BCAS1: variants seen among roughly 807,000 people sequenced by gnomAD.
BCAS1 encodes the protein brain enriched myelin associated protein 1, also known as breast carcinoma-amplified sequence 1.
In BCAS1, 46 loss-of-function variants were observed where a neutral mutation model predicts 65.4. That is an observed-to-expected ratio of 0.70 (90% CI 0.55 to 0.90). The LOEUF is 0.90. Ranked by LOEUF, BCAS1 falls within the 40% of genes least tolerant of loss-of-function variation. The pLI, the probability that BCAS1 is intolerant of heterozygous loss-of-function variation, is 0.00. For synonymous variants in BCAS1, 298 were observed against 293.5 expected, an observed-to-expected ratio of 1.02 and a Z score of -0.16; for missense variants, 793 against 771.2, an observed-to-expected ratio of 1.03 and a Z score of -0.33.
intron 12 of BCAS1, among the ~76,000 whole-genome samples, chr20:53,946,675 T>C (rs958488720): frequency 6.6e-6 from 1 of 150,926 alleles, no homozygotes; most frequent in African/African-American, 2.4e-5. Context: ...ATATATAGTA[T>C]AGTCAAGTAT....
intron 4 of BCAS1, among the ~76,000 whole-genome samples, chr20:54,001,000 C>A (rs1381775177): frequency 6.6e-6 from 1 of 152,304 alleles, no homozygotes; most frequent in Non-Finnish European, 1.5e-5. Flanking sequence ...TGCTTCTTTG[C>A]TTCCCTGGTA....
At chr20:53,968,610 G>T (rs2090100373) in intron 9 of BCAS1, among the ~76,000 whole-genome samples, 1 of 152,148 alleles carries the variant, frequency 6.6e-6, no homozygotes, top group Non-Finnish European at 1.5e-5. Context: ...CATTTCTTAA[G>T]CTAAATTAAA....
intron 4 of BCAS1, among the ~76,000 whole-genome samples, chr20:54,014,349 G>A (rs1032018818): frequency 2.6e-5 from 4 of 152,176 alleles, no homozygotes; most frequent in African/African-American, 9.7e-5. Flanking sequence ...TAGGAACACT[G>A]CTAAAGTGAT....
intron 12 of BCAS1, among the ~76,000 whole-genome samples, chr20:53,946,538 G>T (rs1159400210): frequency 1.3e-5 from 2 of 149,964 alleles, no homozygotes; most frequent in African/African-American, 4.9e-5. Flanking sequence ...CACATAGAGA[G>T]AGTATAGTAT....
chr20:54,022,103 C>T (rs1255562552), intron 4 of BCAS1, among the ~76,000 whole-genome samples: 1 of 152,082 alleles, frequency 6.6e-6, no homozygotes, highest in African/African-American at 2.4e-5. Flanking sequence ...CATGTTAAAA[C>T]CACAAGGGAC....
intron 4 of BCAS1, among the ~76,000 whole-genome samples, chr20:54,012,369 G>A (rs1016541418): frequency 6.6e-6 from 1 of 151,810 alleles, no homozygotes; most frequent in African/African-American, 2.4e-5. Context: ...TGCACTACAG[G>A]TCTGAAGATG....
At chr20:54,009,301 A>C (rs982522298) in intron 4 of BCAS1, among the ~76,000 whole-genome samples, 2 of 152,216 alleles carry the variant, frequency 1.3e-5, no homozygotes, top group African/African-American at 4.8e-5. Context: ...AATCAACAGC[A>C]TAATGGGAGA....
rs540208675 is a variant in BCAS1 at position 54,027,270 on chromosome 20, C to T, written c.723+1122G>A. The stretch of plus-strand genomic sequence containing the variant: ...AATTTTAACTCTCCAGAGTGTTCAG[C>T]GGTGCCCAGCCTTCATAATGTAATT... On this transcript the variant is annotated intron_variant, in intron 4 of 12. Coordinates refer to ENST00000688948, the MANE Select transcript of BCAS1 (RefSeq NM_001366298.2). Among the ~76,000 whole-genome samples, 6 of 152,292 alleles carry T rather than the reference C, an allele frequency of 3.9e-5. No homozygotes were observed. In the South Asian group the frequency reaches 8.3e-4, roughly 21 times the overall value.
At chr20:54,005,666 C>T (rs1423443847) in intron 4 of BCAS1, among the ~76,000 whole-genome samples, 1 of 152,096 alleles carries the variant, frequency 6.6e-6, no homozygotes, top group Admixed American at 6.5e-5. Flanking sequence ...TTAGACCTCC[C>T]CAGGTGATTC....
intron 4 of BCAS1, among the ~76,000 whole-genome samples, chr20:54,024,229 C>T (rs892842387): frequency 5.9e-5 from 9 of 152,194 alleles, no homozygotes; most frequent in Non-Finnish European, 1.5e-5. Context: ...GTTTAATTCA[C>T]TACTAAATAC....
chr20:54,018,787 T>C (rs76311467), intron 4 of BCAS1, among the ~76,000 whole-genome samples: 5,686 of 152,306 alleles, frequency 0.037, 142 homozygotes, highest in Middle Eastern at 0.095. Flanking sequence ...TTTACTTGAT[T>C]CTCAACTGTA....
Position 54,028,653 on chromosome 20 carries a change from T to C in BCAS1, c.462A>G (p.Pro154=). Residue 154 remains proline (P), a synonymous_variant, in exon 4 of 13, where the codon CCA becomes CCG. Coordinates refer to ENST00000688948, the MANE Select transcript of BCAS1 (RefSeq NM_001366298.2). ...AGPGQDTDKT[P]GHAPAQDKVL... is the part of the protein sequence containing the mutation. ...CCTTGTCTTGGGCCGGGGCGTGCCC[T>C]GGGGTTTTATCTGTGTCCTGCCCCG... 6.2e-7 allele frequency: 1 copy of C among 1,614,168 alleles called. No individual in the cohort carries two copies. Among genetic ancestry groups the C allele is most frequent in the South Asian group, 1.1e-5 (1 of 91,084 alleles).
intron 3 of BCAS1, among the ~76,000 whole-genome samples, chr20:54,051,869 G>C (rs2092220586): frequency 1.3e-5 from 2 of 152,006 alleles, no homozygotes; most frequent in Admixed American, 1.3e-4. Flanking sequence ...CTCCAGAGTA[G>C]CTGGGATTAC....
At position 53,968,391 on chromosome 20, in the gene BCAS1, A is replaced by G. The variant is rs529240827; in HGVS notation, c.1318-1318T>C. ...AGCCTTGTTCTTGGTGTCAGGGGGT[A>G]GGGGAAGGGGACTTAGTTATTTCCA... On this transcript the variant is annotated intron_variant, in intron 9 of 12. Transcript: ENST00000688948. Among the ~76,000 whole-genome samples the G allele has an allele frequency of 1.2e-3, 183 of 152,140 alleles. 1 individual carries two copies. The highest frequency in any genetic ancestry group is 1.8e-3 in the Non-Finnish European group (121 of 68,022).
intron 1 of BCAS1, among the ~76,000 whole-genome samples, chr20:54,064,337 G>C (rs1227098667): frequency 6.6e-6 from 1 of 152,170 alleles, no homozygotes; most frequent in Non-Finnish European, 1.5e-5. Context: ...GAACTCTCCT[G>C]GCTGCTGCCT....
At chr20:54,000,863 C>T (rs1394076873) in intron 4 of BCAS1, among the ~76,000 whole-genome samples, 3 of 152,146 alleles carry the variant, frequency 2.0e-5, no homozygotes, top group African/African-American at 7.2e-5. Flanking sequence ...TATGTCTCTA[C>T]TTAACTTTCC....
At chr20:53,995,576 T>A (rs945819036) in intron 5 of BCAS1, among the ~76,000 whole-genome samples, 1 of 151,988 alleles carries the variant, frequency 6.6e-6, no homozygotes, top group Non-Finnish European at 1.5e-5. Flanking sequence ...CACAGGGAGA[T>A]ATTTTTCAAT....
At chr20:54,001,925 G>C (rs991039301) in intron 4 of BCAS1, among the ~76,000 whole-genome samples, 1 of 152,112 alleles carries the variant, frequency 6.6e-6, no homozygotes, top group African/African-American at 2.4e-5. Flanking sequence ...TCGCTAATGA[G>C]GAAAGACCCT....
At chr20:53,986,531 C>T (rs1283134374) in intron 7 of BCAS1, among the ~76,000 whole-genome samples, 2 of 151,930 alleles carry the variant, frequency 1.3e-5, no homozygotes, top group East Asian at 3.8e-4. Context: ...ATGACTCAAT[C>T]CCTTTAAATT....
Sources: gnomAD v4.1 joint callset for allele counts (sites outside exome capture counted in the v4.1 genomes callset) on GRCh38, gnomAD v4.1.1 for gene constraint, MANE v1.5 for transcripts, NCBI Gene and HGNC (gene_info 2026-07-23, HGNC 2026-07-21) for gene names.